ECT2L: variants seen among roughly 807,000 people sequenced by gnomAD.
The protein encoded by ECT2L is epithelial cell transforming 2 like.
In ECT2L, 126 loss-of-function variants were observed where a neutral mutation model predicts 122.8. That is an observed-to-expected ratio of 1.03 (90% confidence interval 0.89 to 1.19). The LOEUF is 1.19. Ranked by LOEUF, ECT2L falls within the 50% of genes most tolerant of loss-of-function variation. The probability of loss-of-function intolerance (pLI) is 0.00; values close to 1 mark genes in which losing one functional copy is unlikely to be tolerated. For synonymous variants in ECT2L, 385 were observed against 381.8 expected (o/e 1.01, Z -0.10); for missense variants, 1,012 against 1,064.1 (o/e 0.95, Z 0.68).
chr6:138,871,721 G>A (rs1049557936), intron 13 of ECT2L, among the ~76,000 whole-genome samples: 6 of 152,110 alleles, frequency 3.9e-5, no homozygotes, highest in African/African-American at 1.4e-4. Context: ...CAGGAGAATC[G>A]CTGAACCAGG....
chr6:138,846,737 C>T (rs1410597614), intron 8 of ECT2L, 60 bp downstream of exon 8: 6 of 1,393,538 alleles, frequency 4.3e-6, no homozygotes, highest in South Asian at 1.9e-5. Flanking sequence ...TGTTTTTTTT[C>T]ATCTAGACTA....
chr6:138,852,835 A>G (rs1294288083), intron 9 of ECT2L, among the ~76,000 whole-genome samples: 1 of 152,058 alleles, frequency 6.6e-6, no homozygotes, highest in Middle Eastern at 3.2e-3. Context: ...GCAAGTTTAT[A>G]TGATGGGAGT....
Position 138,843,083 on chromosome 6 carries a change from G to T in ECT2L, c.447G>T (p.Val149=). ...GAWKRHYIAC[V]SHLDWLTPRE... ...GGAAGCGCCATTACATTGCTTGTGTGTCCCACTTAGACTGGCTGACACCTA... is the reference window on the plus strand; with the variant it reads ...GGAAGCGCCATTACATTGCTTGTGTTTCCCACTTAGACTGGCTGACACCTA... Residue 149 remains valine, a synonymous_variant, in exon 6 of 22, where the codon GTG becomes GTT. Transcript: ENST00000541398. The T allele has an allele frequency of 6.2e-7, 1 of 1,614,016 alleles. No individual in the cohort carries two copies. Among genetic ancestry groups the T allele is most frequent in the Non-Finnish European group, 8.5e-7 (1 of 1,179,938 alleles).
chr6:138,824,581 C>CAAAAAAAAAAAA (rs1491037699), intron 4 of ECT2L, among the ~76,000 whole-genome samples: 2 of 116,744 alleles, frequency 1.7e-5, no homozygotes, highest in African/African-American at 6.0e-5. Context: ...AAAACAAAAA[C>CAAAAAAAAAAAA]AAAAAAAACA....
chr6:138,856,684 C>A (rs569738663), intron 10 of ECT2L, among the ~76,000 whole-genome samples: 1 of 152,166 alleles, frequency 6.6e-6, no homozygotes, highest in Non-Finnish European at 1.5e-5. Context: ...AATCCCAATT[C>A]ATTTGGTTAA....
intron 4 of ECT2L, chr6:138,822,695 T>C (rs558352032): frequency 1.3e-6 from 2 of 1,502,736 alleles, no homozygotes; most frequent in South Asian, 2.6e-5. Context: ...GCTCCCAGCG[T>C]GAGCGACGCA....
At chr6:138,894,326 A>G (rs1270507432) in intron 20 of ECT2L, among the ~76,000 whole-genome samples, 1 of 152,140 alleles carries the variant, frequency 6.6e-6, no homozygotes, top group Non-Finnish European at 1.5e-5. Flanking sequence ...AAGTGCTGGG[A>G]TTACAGGAGT....
At chr6:138,893,411 A>G (rs946542213) in intron 20 of ECT2L, among the ~76,000 whole-genome samples, 1 of 149,674 alleles carries the variant, frequency 6.7e-6, no homozygotes, top group Admixed American at 6.6e-5. Context: ...GAATATATAT[A>G]TATTTTTTTA....
intron 1 of ECT2L, among the ~76,000 whole-genome samples, chr6:138,811,905 T>G (rs1163169186): frequency 6.6e-6 from 1 of 152,048 alleles, no homozygotes. Flanking sequence ...GCCAGGCTGG[T>G]CTCAAACTCC....
At chr6:138,799,542 A>G (rs931246168) in intron 1 of ECT2L, among the ~76,000 whole-genome samples, 1 of 151,278 alleles carries the variant, frequency 6.6e-6, no homozygotes, top group Non-Finnish European at 1.5e-5. Context: ...GGCGTGAGCC[A>G]CCGCGCCCGG....
intron 14 of ECT2L, chr6:138,879,176 C>A: frequency 7.3e-6 from 2 of 275,092 alleles, no homozygotes; most frequent in South Asian, 3.7e-5. Flanking sequence ...CATTGACAAG[C>A]CTTGCTATTC....
intron 1 of ECT2L, among the ~76,000 whole-genome samples, chr6:138,796,664 T>C (rs1427429996): frequency 1.3e-5 from 2 of 152,156 alleles, no homozygotes; most frequent in African/African-American, 4.8e-5. Flanking sequence ...AGGTCTTGGT[T>C]ATAAGGATAG....
At chr6:138,840,487 T>C (rs1777001511) in intron 5 of ECT2L, among the ~76,000 whole-genome samples, 2 of 152,242 alleles carry the variant, frequency 1.3e-5, no homozygotes, top group African/African-American at 4.8e-5. Flanking sequence ...ACAAGTGTGC[T>C]GCTAAGTTTT....
At chr6:138,876,105 A>C (rs912076516) in intron 13 of ECT2L, among the ~76,000 whole-genome samples, 4 of 151,462 alleles carry the variant, frequency 2.6e-5, no homozygotes, top group Admixed American at 1.3e-4. Context: ...GGCGAGAGTG[A>C]GACTCCATCT....
chr6:138,825,550 T>C (rs1776417144), intron 4 of ECT2L, among the ~76,000 whole-genome samples: 2 of 151,950 alleles, frequency 1.3e-5, no homozygotes, highest in African/African-American at 4.8e-5. Context: ...GCAATTGCAC[T>C]CCAGCCTGGG....
At chr6:138,872,347 GAC>G (rs1778286195) in intron 13 of ECT2L, among the ~76,000 whole-genome samples, 1 of 152,196 alleles carries the variant, frequency 6.6e-6, no homozygotes, top group Non-Finnish European at 1.5e-5. Context: ...TAAATCCTGG[GAC>G]TAGACAGCAA....
At chr6:138,856,573 T>A (rs967140024) in intron 10 of ECT2L, among the ~76,000 whole-genome samples, 2 of 152,200 alleles carry the variant, frequency 1.3e-5, no homozygotes, top group Non-Finnish European at 2.9e-5. Context: ...TACCACCATG[T>A]CTTCATTTTT....
intron 1 of ECT2L, among the ~76,000 whole-genome samples, chr6:138,797,205 T>A (rs1775373762): frequency 1.3e-5 from 2 of 152,230 alleles, no homozygotes; most frequent in Non-Finnish European, 2.9e-5. Flanking sequence ...ATGCCCTAAA[T>A]GTGGGACATT....
intron 11 of ECT2L, among the ~76,000 whole-genome samples, chr6:138,864,277 G>GCGTTAC (rs1777947941): frequency 6.6e-6 from 1 of 152,118 alleles, no homozygotes; most frequent in Non-Finnish European, 1.5e-5. Context: ...AGCTGAGGTC[G>GCGTTAC]TGCCACCATA....
Sources: allele counts gnomAD v4.1 joint callset (sites outside exome capture counted in the v4.1 genomes callset), GRCh38; gene constraint gnomAD v4.1.1; transcripts MANE v1.5; gene names NCBI Gene and HGNC (gene_info 2026-07-23, HGNC 2026-07-21).